PFKFB1: variants seen among roughly 807,000 people sequenced by gnomAD.
PFKFB1 encodes 6-phosphofructo-2-kinase/fructose-2,6-bisphosphatase 1.
In PFKFB1, 34 loss-of-function variants were observed where a neutral mutation model predicts 46.4. The observed-to-expected ratio is 0.73, with a 90% confidence interval of 0.56 to 0.98. The LOEUF (loss-of-function observed/expected upper bound fraction) is 0.98. Among genes scored for constraint, PFKFB1 ranks in the 50% least tolerant of loss-of-function variants. PFKFB1 has a pLI of 0.00. For missense variants in PFKFB1, 393 were observed against 376.3 expected, an observed-to-expected ratio of 1.04 and a Z score of -0.37; for synonymous variants, 119 against 133.8, an observed-to-expected ratio of 0.89 and a Z score of 0.76.
chrX:54,968,800 G>T (rs1276193708), intron 1 of PFKFB1, among the ~76,000 whole-genome samples: 1 of 111,161 alleles, frequency 9.0e-6, no homozygotes. Context: ...TTCATTTAAA[G>T]AAGAAATAGC....
At chrX:54,939,878 T>C (rs6611392) in intron 10 of PFKFB1, among the ~76,000 whole-genome samples, 5,237 of 111,590 alleles carry the variant, frequency 0.047, 322 homozygotes, top group African/African-American at 0.16. Flanking sequence ...AGGGAATCCT[T>C]CTTAACTCAT....
chrX:54,955,178 G>A (rs1344328460), intron 7 of PFKFB1, among the ~76,000 whole-genome samples: 1 of 111,695 alleles, frequency 9.0e-6, no homozygotes, highest in Non-Finnish European at 1.9e-5. Context: ...AGTATATATT[G>A]TGCTACTGAC....
chrX:54,972,588 G>A (rs920107139), intron 1 of PFKFB1, among the ~76,000 whole-genome samples: 5 of 111,481 alleles, frequency 4.5e-5, no homozygotes, highest in African/African-American at 1.6e-4. Flanking sequence ...TGCATCTATT[G>A]AGATAATCAT....
chrX:54,959,228 CAA>C (rs1281572909), intron 4 of PFKFB1, among the ~76,000 whole-genome samples: 1 of 110,087 alleles, frequency 9.1e-6, no homozygotes, highest in Non-Finnish European at 1.9e-5. Context: ...TTGGCTTGAC[CAA>C]AGTCACCGAG....
rs1411810988 is a variant in PFKFB1 at position 54,951,857 on chromosome X, C to T, written c.846+48G>A. 7 of 1,089,796 alleles carry T rather than the reference C, an allele frequency of 6.4e-6. No individual in the cohort carries two copies. In the East Asian group the frequency reaches 2.3e-4, roughly 36 times the overall value. The allele number at this position is 1,089,796 out of a possible 1,213,427, so 89.8% of individuals were successfully genotyped here. Reference sequence around the variant, plus strand: ...TGGCCACCACTACACCTGCAGCCCACCTAGGACAGCCCAGCCAACCCATCT... The same window carrying T: ...TGGCCACCACTACACCTGCAGCCCATCTAGGACAGCCCAGCCAACCCATCT... On this transcript the variant is annotated intron_variant, in intron 8 of 13. Transcript: ENST00000375006.
chrX:54,995,706 A>G (rs1479631727), upstream of PFKFB1, among the ~76,000 whole-genome samples: 1 of 112,570 alleles, frequency 8.9e-6, no homozygotes, highest in African/African-American at 3.2e-5. Flanking sequence ...AATGTGTTAA[A>G]AAATGTAAAG....
At chrX:54,956,920 T>C (rs1415228619) in intron 6 of PFKFB1, among the ~76,000 whole-genome samples, 1 of 112,018 alleles carries the variant, frequency 8.9e-6, no homozygotes, top group Non-Finnish European at 1.9e-5. Flanking sequence ...AATTACTTTG[T>C]CTATATTCTT....
intron 2 of PFKFB1, among the ~76,000 whole-genome samples, chrX:54,961,720 A>C (rs1240768135): frequency 9.0e-6 from 1 of 111,701 alleles, no homozygotes. Context: ...TGCTCTGACA[A>C]AGACAATATT....
chrX:54,953,670 T>A (rs1201662874), intron 7 of PFKFB1, among the ~76,000 whole-genome samples: 1 of 111,575 alleles, frequency 9.0e-6, no homozygotes, highest in Non-Finnish European at 1.9e-5. Context: ...CTACTGTCTG[T>A]TCCTAACACT....
intron 1 of PFKFB1, among the ~76,000 whole-genome samples, chrX:54,986,022 T>C (rs144789593): frequency 0.02 from 2,227 of 112,254 alleles, 46 homozygotes; most frequent in African/African-American, 0.069. Context: ...TAAAACTGCA[T>C]ATTTAAACCA....
intron 1 of PFKFB1, among the ~76,000 whole-genome samples, chrX:54,974,843 A>G (rs186705260): frequency 2.7e-5 from 3 of 112,002 alleles, no homozygotes; most frequent in Non-Finnish European, 5.6e-5. Context: ...GCGAACAAAC[A>G]CATGAAAAAA....
intron 1 of PFKFB1, among the ~76,000 whole-genome samples, chrX:54,981,736 A>C (rs1162995700): frequency 1.8e-5 from 2 of 111,953 alleles, no homozygotes; most frequent in African/African-American, 3.2e-5. Context: ...TTATAAAACA[A>C]CTAAGCAAGG....
chrX:54,963,044 G>A (rs1258600272), intron 2 of PFKFB1, among the ~76,000 whole-genome samples: 2 of 112,309 alleles, frequency 1.8e-5, no homozygotes, highest in East Asian at 2.8e-4. Flanking sequence ...GTTTTCCTAT[G>A]CTTAGCACCT....
intron 1 of PFKFB1, among the ~76,000 whole-genome samples, chrX:54,973,281 C>G (rs1451313031): frequency 9.0e-6 from 1 of 111,162 alleles, no homozygotes. Flanking sequence ...TTGATCCTTT[C>G]AAAAAACCAG....
chrX:54,949,790 G>A (rs535060252), intron 8 of PFKFB1, among the ~76,000 whole-genome samples: 4 of 112,598 alleles, frequency 3.6e-5, no homozygotes, highest in Admixed American at 2.8e-4. Flanking sequence ...CACTGAAAGC[G>A]GACTCTAGAC....
Position 54,959,365 on chromosome X carries a change from G to T in PFKFB1, c.385-440C>A, listed in dbSNP as rs755778235. 2.7e-5 allele frequency among the ~76,000 whole-genome samples: 3 copies of T among 111,701 alleles called. No homozygotes were observed. In the South Asian group the frequency reaches 1.1e-3, roughly 42 times the overall value. On this transcript the variant is annotated intron_variant, in intron 4 of 13. Transcript: ENST00000375006. ...TCCCTAACCTCAGCACCTGAGATTG[G>T]ACCATTTGCATATTTGAGAATCTCC...
intron 4 of PFKFB1, 149 bp from the exon 5 acceptor site, chrX:54,959,074 T>C: frequency 2.2e-6 from 1 of 444,886 alleles, no homozygotes; most frequent in Non-Finnish European, 4.0e-6. Flanking sequence ...CATGATTGGC[T>C]TATGACAATT....
intron 8 of PFKFB1, among the ~76,000 whole-genome samples, chrX:54,951,234 C>T (rs1054360100): frequency 9.8e-5 from 11 of 112,255 alleles, no homozygotes; most frequent in African/African-American, 2.9e-4. Context: ...GTCACTGTGC[C>T]GGGCTGGGGA....
At chrX:54,939,826 T>A (rs1439317887) in intron 10 of PFKFB1, among the ~76,000 whole-genome samples, 1 of 112,093 alleles carries the variant, frequency 8.9e-6, no homozygotes, top group African/African-American at 3.2e-5. Context: ...AAGGAGGAAC[T>A]GGTACCATTC....
Sources: allele counts gnomAD v4.1 joint callset (sites outside exome capture counted in the v4.1 genomes callset), GRCh38; gene constraint gnomAD v4.1.1; transcripts MANE v1.5; gene names NCBI Gene and HGNC (gene_info 2026-07-23, HGNC 2026-07-21).